POU6F2: variants seen among roughly 807,000 people sequenced by gnomAD.
POU6F2 encodes POU domain, class 6, transcription factor 2.
POU6F2 carries 31 observed loss-of-function variants against 71.3 expected under a neutral mutation model. That is an observed-to-expected ratio of 0.43 (90% confidence interval 0.33 to 0.59). The LOEUF (loss-of-function observed/expected upper bound fraction) is 0.59, where lower values mean the gene tolerates loss of function less well. Among genes scored for constraint, POU6F2 ranks in the 20% least tolerant of loss-of-function variants. The probability of loss-of-function intolerance (pLI) is 0.04; values close to 1 mark genes in which losing one functional copy is unlikely to be tolerated. For missense variants in POU6F2, 783 were observed against 856.8 expected (o/e 0.91, Z 1.07); for synonymous variants, 347 against 355.7 (o/e 0.98, Z 0.27).
rs948885485 is a variant in POU6F2 at position 39,467,844 on chromosome 7, C to T, written c.*3158C>T. ...AAAAAGAAATCGTAAAATGCCTTTG[C>T]TCGTTTCTCTACGCTGGACCAAAGC... On this transcript the variant is annotated 3_prime_UTR_variant, in exon 10 of 10. Transcript: ENST00000518318. 1.3e-5 allele frequency: 2 copies of T among 152,140 alleles called. No homozygotes were observed. The highest frequency in any genetic ancestry group is 4.8e-5 in the African/African-American group (2 of 41,438). The allele number at this position is 152,140 out of a possible 1,614,324, so 9.4% of individuals were successfully genotyped here.
chr7:39,012,161 C>G (rs1789312658), intron 1 of POU6F2, among the ~76,000 whole-genome samples: 1 of 151,796 alleles, frequency 6.6e-6, no homozygotes, highest in South Asian at 2.1e-4. Flanking sequence ...TCAGGTACAC[C>G]AATCAGACGT....
chr7:39,056,979 C>G (rs1040842012), intron 1 of POU6F2, among the ~76,000 whole-genome samples: 2 of 152,090 alleles, frequency 1.3e-5, no homozygotes, highest in African/African-American at 2.4e-5. Context: ...ATTCATTTCT[C>G]TATGAGCTGC....
chr7:39,285,380 T>C (rs1784633928), intron 4 of POU6F2, among the ~76,000 whole-genome samples: 1 of 152,208 alleles, frequency 6.6e-6, no homozygotes, highest in Non-Finnish European at 1.5e-5. Flanking sequence ...GCTCATCGTA[T>C]GTCGTGTATT....
intron 1 of POU6F2, among the ~76,000 whole-genome samples, chr7:39,055,858 G>A (rs1161989583): frequency 6.6e-6 from 1 of 151,858 alleles, no homozygotes; most frequent in Non-Finnish European, 1.5e-5. Context: ...TTTTTTCTGG[G>A]ATGGGGTGAG....
chr7:39,287,440 ATTGTTCACCCTCCCAGGCC>A (rs1401614232), intron 4 of POU6F2, among the ~76,000 whole-genome samples: 2 of 152,142 alleles, frequency 1.3e-5, no homozygotes, highest in Non-Finnish European at 2.9e-5. Context: ...ACTATTAGCT[ATTGTTCACCCTCCCAGGCC>A]TTAGCTTCTC....
intron 1 of POU6F2, chr7:39,006,936 T>C (rs1400297411): frequency 4.1e-6 from 6 of 1,477,058 alleles, no homozygotes; most frequent in Non-Finnish European, 4.7e-6. Context: ...TGTGAGTTTA[T>C]TGTATAAAAT....
chr7:39,280,059 T>C (rs1784532763), intron 4 of POU6F2, among the ~76,000 whole-genome samples: 1 of 152,136 alleles, frequency 6.6e-6, no homozygotes, highest in Admixed American at 6.5e-5. Context: ...TTTTCCCTTT[T>C]ATTAGGACAT....
At chr7:39,262,912 C>T (rs1255288815) in intron 4 of POU6F2, among the ~76,000 whole-genome samples, 1 of 152,162 alleles carries the variant, frequency 6.6e-6, no homozygotes, top group African/African-American at 2.4e-5. Flanking sequence ...TGCTATTGCT[C>T]AGAAAATCAC....
At chr7:39,093,963 T>C (rs1033494276) in intron 2 of POU6F2, among the ~76,000 whole-genome samples, 3 of 152,132 alleles carry the variant, frequency 2.0e-5, no homozygotes, top group African/African-American at 7.2e-5. Context: ...GTATTTTCTC[T>C]ATTATAAAAC....
chr7:39,189,211 T>G (rs1793606650), intron 2 of POU6F2, among the ~76,000 whole-genome samples: 1 of 152,188 alleles, frequency 6.6e-6, no homozygotes, highest in African/African-American at 2.4e-5. Context: ...CTGACCAGGA[T>G]GGACCATGGC....
At chr7:39,248,181 A>G (rs575612008) in intron 4 of POU6F2, among the ~76,000 whole-genome samples, 1 of 152,298 alleles carries the variant, frequency 6.6e-6, no homozygotes, top group Middle Eastern at 3.4e-3. Context: ...GATATTGTTG[A>G]CATTTTAAGT....
chr7:39,320,389 G>A (rs1198141143), intron 4 of POU6F2, among the ~76,000 whole-genome samples: 3 of 152,132 alleles, frequency 2.0e-5, no homozygotes, highest in Non-Finnish European at 4.4e-5. Flanking sequence ...GTCTCTGGAT[G>A]AACTTTAGAA....
rs564396471 is a variant in POU6F2, at chr7:39,329,812, C to T, written c.599-9830C>T. On this transcript the variant is annotated intron_variant, in intron 4 of 9. Coordinates refer to ENST00000518318, the MANE Select transcript of POU6F2 (RefSeq NM_001370959.1). ...ATCATTTGCACTCAAATCCTTAGGT[C>T]AGGGTCTGCATCTGAGAGAGTCCAA... 3.3e-3 allele frequency among the ~76,000 whole-genome samples: 509 copies of T among 152,232 alleles called. 4 individuals carry two copies. The highest frequency in any genetic ancestry group is 0.012 in the African/African-American group (491 of 41,516).
chr7:39,397,352 C>T (rs1024544535), intron 5 of POU6F2, among the ~76,000 whole-genome samples: 3 of 145,996 alleles, frequency 2.1e-5, no homozygotes, highest in African/African-American at 5.0e-5. Flanking sequence ...AATATATAGA[C>T]ATATATAGAC....
At chr7:39,370,925 A>ACATCTCCTTCTCAATATGTAGGT (rs1786592563) in intron 5 of POU6F2, among the ~76,000 whole-genome samples, 1 of 152,168 alleles carries the variant, frequency 6.6e-6, no homozygotes, top group South Asian at 2.1e-4. Context: ...TAAAATAAAT[A>ACATCTCCTTCTCAATATGTAGGT]CATCTCCTTC....
At chr7:39,033,899 T>C (rs1055497011) in intron 1 of POU6F2, among the ~76,000 whole-genome samples, 3 of 152,258 alleles carry the variant, frequency 2.0e-5, no homozygotes, top group African/African-American at 7.2e-5. Flanking sequence ...TGCTTTTTCT[T>C]ACTCTTTTCT....
intron 6 of POU6F2, among the ~76,000 whole-genome samples, chr7:39,421,253 A>G (rs1008831289): frequency 7.2e-5 from 11 of 152,218 alleles, no homozygotes; most frequent in Admixed American, 6.5e-4. Flanking sequence ...AATTACTAAC[A>G]GGAAATTGAA....
intron 4 of POU6F2, among the ~76,000 whole-genome samples, chr7:39,333,144 C>T (rs993534441): frequency 6.6e-6 from 1 of 152,136 alleles, no homozygotes. Flanking sequence ...GGTGCAGCTC[C>T]CCTGGGGTAG....
At chr7:39,225,104 ACT>A (rs1794436627) in intron 4 of POU6F2, among the ~76,000 whole-genome samples, 1 of 152,198 alleles carries the variant, frequency 6.6e-6, no homozygotes, top group Non-Finnish European at 1.5e-5. Flanking sequence ...AATTTCATAG[ACT>A]CTTGGGAGAA....
Sources: gnomAD v4.1 joint callset for allele counts (sites outside exome capture counted in the v4.1 genomes callset) on GRCh38, gnomAD v4.1.1 for gene constraint, MANE v1.5 for transcripts, NCBI Gene and HGNC (gene_info 2026-07-23, HGNC 2026-07-21) for gene names.